Variants in FMN2 observed in about 807,000 individuals in gnomAD.
The protein encoded by FMN2 is formin-2.
A neutral mutation model predicts 142.3 loss-of-function variants in FMN2; 51 were observed. The ratio of observed to expected loss-of-function variants is 0.36; its 90% CI spans 0.29 to 0.45. The LOEUF (loss-of-function observed/expected upper bound fraction) is 0.45, where lower values mean the gene tolerates loss of function less well. Among genes scored for constraint, FMN2 ranks in the 20% least tolerant of loss-of-function variants. The pLI is 1.00. For synonymous variants in FMN2, 882 were observed against 869.8 expected (o/e 1.01, Z -0.25); for missense variants, 1,936 against 2,122.8 (o/e 0.91, Z 1.73).
intron 2 of FMN2, among the ~76,000 whole-genome samples, chr1:240,176,089 T>C (rs886978850): frequency 6.6e-5 from 10 of 152,160 alleles, no homozygotes; most frequent in Non-Finnish European, 8.8e-5. Flanking sequence ...AAAATTTTTG[T>C]TCCTTGTGCT....
In FMN2 at chr1:240,226,337, C is replaced by T. The variant is rs182719969; in HGVS notation, c.4065+15102C>T. 2.7e-3 allele frequency among the ~76,000 whole-genome samples: 412 copies of T among 152,282 alleles called. 3 individuals carry two copies. The South Asian group carries it at 0.027, about 10-fold the overall frequency. On this transcript the variant is annotated intron_variant, in intron 6 of 17. Coordinates refer to ENST00000319653, the MANE Select transcript of FMN2 (RefSeq NM_020066.5). ...TACAAGGGAACCCCAATAATACTAA[C>T]AGCAGACTTATCAGAATTAATGAAG...
intron 3 of FMN2, among the ~76,000 whole-genome samples, chr1:240,187,298 A>G (rs905008053): frequency 1.3e-5 from 2 of 151,136 alleles, no homozygotes; most frequent in Non-Finnish European, 2.9e-5. Flanking sequence ...AAAAGAAAAG[A>G]AAAAAACAAA....
intron 15 of FMN2, among the ~76,000 whole-genome samples, chr1:240,414,608 A>G (rs531749889): frequency 1.6e-4 from 24 of 152,190 alleles, no homozygotes; most frequent in Non-Finnish European, 2.8e-4. Flanking sequence ...TGCCCTGCCT[A>G]CCATCTAATA....
At chr1:240,209,747 A>G (rs1398069732) in intron 5 of FMN2, among the ~76,000 whole-genome samples, 1 of 151,352 alleles carries the variant, frequency 6.6e-6, no homozygotes, top group East Asian at 2.0e-4. Flanking sequence ...TACTAAAAAT[A>G]CAAAAAATTA....
intron 6 of FMN2, among the ~76,000 whole-genome samples, chr1:240,218,713 T>C (rs1298673332): frequency 6.6e-6 from 1 of 152,148 alleles, no homozygotes; most frequent in Non-Finnish European, 1.5e-5. Context: ...GTTGCCCCCT[T>C]TTTTGATCCG....
chr1:240,376,603 A>G (rs1673053823), intron 14 of FMN2, among the ~76,000 whole-genome samples: 1 of 152,104 alleles, frequency 6.6e-6, no homozygotes, highest in South Asian at 2.1e-4. Flanking sequence ...AACTGTTTAC[A>G]TAGTATTTAT....
intron 7 of FMN2, among the ~76,000 whole-genome samples, chr1:240,273,123 G>A (rs1430921017): frequency 6.6e-6 from 1 of 152,146 alleles, no homozygotes; most frequent in African/African-American, 2.4e-5. Flanking sequence ...GTCAAAAACA[G>A]CATGAAATTC....
At chr1:240,095,891 A>C (rs955631299) in intron 1 of FMN2, among the ~76,000 whole-genome samples, 2 of 152,116 alleles carry the variant, frequency 1.3e-5, no homozygotes, top group Non-Finnish European at 2.9e-5. Flanking sequence ...AAATTGTGCA[A>C]AGTAAAATTG....
chr1:240,174,723 T>A (rs1664847369), intron 2 of FMN2, among the ~76,000 whole-genome samples: 1 of 152,148 alleles, frequency 6.6e-6, no homozygotes, highest in African/African-American at 2.4e-5. Context: ...AAGAACTGAC[T>A]TGTCAATTTT....
chr1:240,156,508 A>G (rs887539916), intron 2 of FMN2, among the ~76,000 whole-genome samples: 3 of 152,212 alleles, frequency 2.0e-5, no homozygotes, highest in African/African-American at 7.2e-5. Context: ...ATGCAGAGTC[A>G]GGAAACTGGT....
At chr1:240,202,250 T>G (rs2103374545) in intron 4 of FMN2, among the ~76,000 whole-genome samples, 1 of 152,300 alleles carries the variant, frequency 6.6e-6, no homozygotes, top group African/African-American at 2.4e-5. Context: ...TTAAGAGATC[T>G]TTTTCTGGTA....
rs1396854369 is a variant in FMN2 at position 240,388,876 on chromosome 1, A to AG, written c.4859-3635_4859-3634insG. ...AAACTCCATCTCAAAAAAAAAAAAA[A>AG]AGGGGGGGGGTCAAGCATTGCTGGG... On this transcript the variant is annotated intron_variant, in intron 14 of 17. Transcript: ENST00000319653. 2.6e-3 allele frequency among the ~76,000 whole-genome samples: 373 copies of AG among 144,172 alleles called. 1 individual carries two copies. Among genetic ancestry groups the AG allele is most frequent in the South Asian group, 0.02 (88 of 4,430 alleles). The allele number at this position is 144,172 out of a possible 152,430, so 94.6% of individuals were successfully genotyped here.
chr1:240,243,005 G>A (rs1465040710), intron 6 of FMN2, among the ~76,000 whole-genome samples: 4 of 152,124 alleles, frequency 2.6e-5, no homozygotes, highest in African/African-American at 9.7e-5. Flanking sequence ...GGTCTGCAGT[G>A]CCTTGGAATG....
At chr1:240,468,249 T>TATATACATATGCAAACACAC (rs1676690990) in intron 16 of FMN2, among the ~76,000 whole-genome samples, 1 of 136,756 alleles carries the variant, frequency 7.3e-6, no homozygotes, top group Non-Finnish European at 1.5e-5. Context: ...CACACACACA[T>TATATACATATGCAAACACAC]ATATACATAT....
intron 7 of FMN2, among the ~76,000 whole-genome samples, chr1:240,274,150 CAGAG>C (rs1056490723): frequency 2.8e-5 from 4 of 143,946 alleles, no homozygotes; most frequent in Admixed American, 7.1e-5. Flanking sequence ...GAAATAAAGA[CAGAG>C]AGACAAAAAT....
intron 1 of FMN2, among the ~76,000 whole-genome samples, chr1:240,096,805 A>G (rs1016969143): frequency 6.6e-5 from 10 of 152,190 alleles, no homozygotes; most frequent in South Asian, 2.1e-4. Context: ...AGGGATTTCT[A>G]TGGCACATGT....
chr1:240,326,850 T>C (rs768752866), intron 8 of FMN2, among the ~76,000 whole-genome samples: 11 of 152,170 alleles, frequency 7.2e-5, no homozygotes, highest in Non-Finnish European at 7.3e-5. Flanking sequence ...TTATGTGTTA[T>C]ACTTTGGTGG....
intron 14 of FMN2, among the ~76,000 whole-genome samples, chr1:240,364,040 CTGTGCTGAAGAA>C (rs1672582017): frequency 6.6e-6 from 1 of 152,154 alleles, no homozygotes; most frequent in South Asian, 2.1e-4. Flanking sequence ...GCTATTTCTG[CTGTGCTGAAGAA>C]TGAAGCAAAG....
At chr1:240,154,309 C>A (rs1663922545) in intron 2 of FMN2, among the ~76,000 whole-genome samples, 1 of 151,978 alleles carries the variant, frequency 6.6e-6, no homozygotes, top group Non-Finnish European at 1.5e-5. Flanking sequence ...ACAGATGAAG[C>A]AATAAACACC....
Sources: allele counts gnomAD v4.1 joint callset (sites outside exome capture counted in the v4.1 genomes callset), GRCh38; gene constraint gnomAD v4.1.1; transcripts MANE v1.5; gene names NCBI Gene and HGNC (gene_info 2026-07-23, HGNC 2026-07-21).